The following NEMF variants were observed in gnomAD, a reference collection of about 807,000 sequenced individuals.
The protein encoded by NEMF is nuclear export mediator factor, also known as ribosome quality control complex subunit NEMF.
In NEMF, 89 loss-of-function variants were observed where a neutral mutation model predicts 162.2. The observed-to-expected ratio is 0.55, with a 90% confidence interval of 0.46 to 0.65. NEMF has a LOEUF of 0.65. Among genes scored for constraint, NEMF ranks in the 30% least tolerant of loss-of-function variants. NEMF has a pLI of 0.00. For missense variants in NEMF, 1,133 were observed against 1,261.9 expected (o/e 0.90, Z 1.55); for synonymous variants, 421 against 404.5 (o/e 1.04, Z -0.49).
In NEMF at chr14:49,784,311, C is replaced by CCACTT. The variant is rs1210579932; in HGVS notation, c.*320_*324dup. On this transcript the variant is annotated 3_prime_UTR_variant, in exon 33 of 33. Coordinates refer to ENST00000298310, the MANE Select transcript of NEMF (RefSeq NM_004713.6). ...CAAGTCAATAGTTTAAGCAATCAAG[C>CCACTT]CACTTCACTGTTCAGTTTCTTTACA... 5.0e-6 allele frequency: 1 copy of CCACTT among 198,668 alleles called. No individual in the cohort carries two copies. The highest frequency in any genetic ancestry group is 2.4e-5 in the African/African-American group (1 of 42,350). The allele number at this position is 198,668 out of a possible 1,614,324, so 12.3% of individuals were successfully genotyped here.
chr14:49,839,712 TA>T lies in NEMF; in HGVS notation c.506+1005del, dbSNP rs1440710148. ...CATTTGAAGTAACCCAAAACTTAGCTAAAAAACACATTGGGCTTGCTTCGGC... is the reference window on the plus strand; with the variant it reads ...CATTTGAAGTAACCCAAAACTTAGCTAAAAACACATTGGGCTTGCTTCGGC... On this transcript the variant is annotated intron_variant, in intron 5 of 32. Transcript: ENST00000298310. 2.0e-5 allele frequency: 3 copies of T among 152,114 alleles called. No homozygotes were observed. The East Asian group carries it at 5.8e-4, about 29-fold the overall frequency. The allele number at this position is 152,114 out of a possible 1,614,324, so 9.4% of individuals were successfully genotyped here.
intron 5 of NEMF, among the ~76,000 whole-genome samples, chr14:49,839,229 C>T (rs1000586730): frequency 1.3e-5 from 2 of 151,948 alleles, no homozygotes; most frequent in Admixed American, 1.3e-4. Context: ...AGGCATGCAC[C>T]ACCATGCCCG....
At chr14:49,808,011 T>G (rs1453889866) in intron 18 of NEMF, among the ~76,000 whole-genome samples, 1 of 152,140 alleles carries the variant, frequency 6.6e-6, no homozygotes, top group Non-Finnish European at 1.5e-5. Context: ...TCCATTCAAA[T>G]CTCTTGCTCA....
At chr14:49,833,594 A>G in intron 7 of NEMF, 98 bp from the exon 8 acceptor site, 1 of 638,590 alleles carries the variant, frequency 1.6e-6, no homozygotes, top group Non-Finnish European at 2.6e-6. Context: ...GTGCTTACAA[A>G]ATAATGTTGC....
chr14:49,800,020 C>T (rs551293069), intron 23 of NEMF, among the ~76,000 whole-genome samples: 1 of 152,268 alleles, frequency 6.6e-6, no homozygotes, highest in South Asian at 2.1e-4. Flanking sequence ...AAGGACGCAC[C>T]CTAAGACCCA....
At chr14:49,841,196 C>CTAAA (rs1893185866) in intron 4 of NEMF, among the ~76,000 whole-genome samples, 1 of 56,800 alleles carries the variant, frequency 1.8e-5, no homozygotes, top group African/African-American at 7.5e-5. Context: ...AACTCTGTCT[C>CTAAA]AAAAAAAAAA....
chr14:49,785,497 T>C (rs1447613594), intron 29 of NEMF, 177 bp from the exon 30 acceptor site: 1 of 568,280 alleles, frequency 1.8e-6, no homozygotes, highest in Non-Finnish European at 3.2e-6. Context: ...TGAAGACCAA[T>C]GTTTAAATAT....
intron 17 of NEMF, among the ~76,000 whole-genome samples, chr14:49,814,366 G>A (rs2139904805): frequency 6.6e-6 from 1 of 152,266 alleles, no homozygotes; most frequent in African/African-American, 2.4e-5. Context: ...GCCTCCCAAA[G>A]TGGCTGAGAT....
intron 16 of NEMF, among the ~76,000 whole-genome samples, chr14:49,823,882 C>A (rs1432614796): frequency 6.6e-6 from 1 of 152,140 alleles, no homozygotes; most frequent in Non-Finnish European, 1.5e-5. Context: ...AAAATATCAA[C>A]TATCAGCCAG....
chr14:49,846,794 T>C (rs1893525909), intron 3 of NEMF, among the ~76,000 whole-genome samples: 1 of 152,188 alleles, frequency 6.6e-6, no homozygotes, highest in African/African-American at 2.4e-5. Flanking sequence ...TAGAGAATGA[T>C]GGACCTATAG....
rs527956057 is a variant in NEMF, at chr14:49,789,859, G to A, written c.2620-286C>T. Among the ~76,000 whole-genome samples the A allele has an allele frequency of 9.8e-5, 15 of 152,294 alleles. 1 individual carries two copies. The Middle Eastern group carries it at 0.017, about 173-fold the overall frequency. Reference sequence around the variant, plus strand: ...AAGTAAAACAGTATTGGAAAAGCAAGTCTAAAAAGGAAGAGAACAGTAATA... The same window carrying A: ...AAGTAAAACAGTATTGGAAAAGCAAATCTAAAAAGGAAGAGAACAGTAATA... On this transcript the variant is annotated intron_variant, in intron 26 of 32. Coordinates refer to ENST00000298310, the MANE Select transcript of NEMF (RefSeq NM_004713.6).
intron 16 of NEMF, among the ~76,000 whole-genome samples, chr14:49,824,297 C>T (rs929396619): frequency 3.3e-5 from 5 of 152,086 alleles, no homozygotes; most frequent in African/African-American, 1.2e-4. Flanking sequence ...GTAATCCCAA[C>T]ACTTTGGGAG....
intron 10 of NEMF, 21 bp from the exon 11 acceptor site, chr14:49,831,382 C>A: frequency 6.6e-7 from 1 of 1,505,590 alleles, no homozygotes; most frequent in South Asian, 1.1e-5. Context: ...AAACAAACAA[C>A]TAGTTGGAAA....
chr14:49,806,234 A>ATGTG (rs1292105949), intron 18 of NEMF, 101 bp from the exon 19 acceptor site: 1 of 26,952 alleles, frequency 3.7e-5, no homozygotes, highest in Non-Finnish European at 7.4e-5. Flanking sequence ...TGATATGTGT[A>ATGTG]TATATATATA....
chr14:49,825,814 T>C (rs776011239), intron 16 of NEMF, 53 bp downstream of exon 16: 1 of 1,156,966 alleles, frequency 8.6e-7, no homozygotes, highest in Non-Finnish European at 1.3e-6. Context: ...ACAATGTGCA[T>C]GGATAATTTT....
rs1218259223 is a variant in NEMF at position 49,784,715 on chromosome 14, T to TA, written c.3154-3dup. On this transcript the variant is annotated splice_region_variant and splice_polypyrimidine_tract_variant and intron_variant, in intron 32 of 32. Transcript: ENST00000298310. ...AATGTTTCTTGATAAATCTGTGTCC[T>TA]AAAAAAAGAAAATTGCTGAATATCT... 3 of 1,611,114 alleles carry TA rather than the reference T, an allele frequency of 1.9e-6. No homozygotes were observed. Among genetic ancestry groups the TA allele is most frequent in the African/African-American group, 1.3e-5 (1 of 74,828 alleles).
At position 49,828,844 on chromosome 14, in the gene NEMF, A is replaced by G. The variant is rs748125434; in HGVS notation, c.1233-37T>C. On this transcript the variant is annotated intron_variant, in intron 13 of 32. Coordinates refer to ENST00000298310, the MANE Select transcript of NEMF (RefSeq NM_004713.6). ...ATTCAATAGCATTTCACTAACGTCA[A>G]TGACATCACTTTTATTTTCAATTTT... is the stretch of plus-strand genomic sequence containing the variant. 6.8e-6 allele frequency: 10 copies of G among 1,461,418 alleles called. No individual in the cohort carries two copies. The African/African-American group carries it at 1.3e-4, about 19-fold the overall frequency. 90.5% of individuals were successfully genotyped at this position (1,461,418 alleles called of 1,614,324 possible).
chr14:49,809,537 C>A (rs980479536), intron 18 of NEMF, among the ~76,000 whole-genome samples: 1 of 152,116 alleles, frequency 6.6e-6, no homozygotes, highest in African/African-American at 2.4e-5. Flanking sequence ...ATGTTTTACA[C>A]ATTTGTCCAA....
intron 18 of NEMF, among the ~76,000 whole-genome samples, chr14:49,813,398 C>T (rs1566672956): frequency 6.6e-6 from 1 of 152,142 alleles, no homozygotes; most frequent in African/African-American, 2.4e-5. Flanking sequence ...GTAGAGTATT[C>T]TAGAGATGTC....
Sources: allele counts gnomAD v4.1 joint callset (sites outside exome capture counted in the v4.1 genomes callset), GRCh38; gene constraint gnomAD v4.1.1; transcripts MANE v1.5; gene names NCBI Gene and HGNC (gene_info 2026-07-23, HGNC 2026-07-21).